The following DNASE2B variants were observed in gnomAD, a reference collection of about 807,000 sequenced individuals.
DNASE2B encodes the protein deoxyribonuclease 2 beta.
A neutral mutation model predicts 46.0 loss-of-function variants in DNASE2B; 43 were observed. That is an observed-to-expected ratio of 0.94 (90% CI 0.73 to 1.21). The LOEUF is 1.21. Ranked by LOEUF, DNASE2B falls within the 50% of genes most tolerant of loss-of-function variation. The pLI is 0.00. For missense variants in DNASE2B, 395 were observed against 414.4 expected, an observed-to-expected ratio of 0.95 and a Z score of 0.41; for synonymous variants, 156 against 152.5, an observed-to-expected ratio of 1.02 and a Z score of -0.17.
chr1:84,410,583 A>T lies in DNASE2B; in HGVS notation c.386-255A>T, dbSNP rs575556000. ...AAATTTTCCTTGTGATTTCAAAATG[A>T]AATTCCTCTTAACTCTTCACAGGAT... On this transcript the variant is annotated intron_variant, in intron 3 of 5. Coordinates refer to ENST00000370665, the MANE Select transcript of DNASE2B (RefSeq NM_021233.3). 2.0e-5 allele frequency among the ~76,000 whole-genome samples: 3 copies of T among 152,342 alleles called. No individual in the cohort carries two copies. In the East Asian group the frequency reaches 5.8e-4, roughly 29 times the overall value.
chr1:84,409,848 C>A (rs1057004931), intron 3 of DNASE2B, among the ~76,000 whole-genome samples: 1 of 152,104 alleles, frequency 6.6e-6, no homozygotes, highest in Admixed American at 6.6e-5. Flanking sequence ...GGATAGGATT[C>A]CAGCAAATTG....
intron 3 of DNASE2B, among the ~76,000 whole-genome samples, chr1:84,409,261 T>C (rs981330178): frequency 6.6e-6 from 1 of 152,184 alleles, no homozygotes; most frequent in African/African-American, 2.4e-5. Flanking sequence ...TTCAATTTCA[T>C]ATATCATAAA....
chr1:84,411,712 A>C (rs3116416), intron 4 of DNASE2B, among the ~76,000 whole-genome samples: 1 of 152,176 alleles, frequency 6.6e-6, no homozygotes, highest in East Asian at 1.9e-4. Flanking sequence ...AGTAGTGAAA[A>C]GCAACTTGCC....
intron 3 of DNASE2B, 113 bp from the exon 4 acceptor site, chr1:84,410,725 C>T: frequency 2.1e-6 from 2 of 974,322 alleles, no homozygotes; most frequent in South Asian, 1.8e-5. Flanking sequence ...GATTATTAGC[C>T]TAATAAAACA....
At chr1:84,409,100 C>G (rs561956120) in intron 3 of DNASE2B, among the ~76,000 whole-genome samples, 10 of 151,750 alleles carry the variant, frequency 6.6e-5, no homozygotes, top group Non-Finnish European at 1.3e-4. Context: ...TGTTTGTGAA[C>G]TACAGAAAAA....
At chr1:84,409,631 C>T (rs1387549909) in intron 3 of DNASE2B, among the ~76,000 whole-genome samples, 2 of 152,132 alleles carry the variant, frequency 1.3e-5, no homozygotes, top group Non-Finnish European at 2.9e-5. Context: ...CTCCTGAATA[C>T]CCTATTTACT....
intron 2 of DNASE2B, chr1:84,408,192 A>T (rs556560591): frequency 5.0e-5 from 18 of 361,266 alleles, no homozygotes; most frequent in African/African-American, 3.4e-4. Context: ...TCACACACAG[A>T]TCACAATGCA....
At chr1:84,413,039 C>T (rs913484448) in intron 5 of DNASE2B, among the ~76,000 whole-genome samples, 6 of 150,472 alleles carry the variant, frequency 4.0e-5, no homozygotes, top group Non-Finnish European at 8.9e-5. Context: ...GATGCACCCC[C>T]TATGCTCTGA....
At chr1:84,403,681 C>A (rs1680455570) in intron 2 of DNASE2B, among the ~76,000 whole-genome samples, 1 of 151,858 alleles carries the variant, frequency 6.6e-6, no homozygotes, top group Non-Finnish European at 1.5e-5. Flanking sequence ...TTTTTCATTT[C>A]TCCAAAAATG....
chr1:84,410,623 C>T (rs934605688), intron 3 of DNASE2B, among the ~76,000 whole-genome samples: 1 of 152,122 alleles, frequency 6.6e-6, no homozygotes, highest in African/African-American at 2.4e-5. Context: ...ACCTTGGTTC[C>T]CTTTTCGTGG....
chr1:84,410,762 A>G, intron 3 of DNASE2B, 76 bp from the exon 4 acceptor site: 1 of 1,422,678 alleles, frequency 7.0e-7, no homozygotes, highest in Non-Finnish European at 9.5e-7. Context: ...ATGGGCTTAA[A>G]TGTTGCCACT....
At chr1:84,411,139 T>C in intron 4 of DNASE2B, 140 bp downstream of exon 4, 2 of 1,097,666 alleles carry the variant, frequency 1.8e-6, no homozygotes, top group Non-Finnish European at 1.3e-6. Context: ...GGCTTTGCCA[T>C]GGTGAGGTCT....
In DNASE2B at chr1:84,412,535, C is replaced by A. The variant is rs370286431; in HGVS notation, c.734C>A (p.Ser245Tyr). Residue 245 changes from serine (S) to tyrosine (Y), a missense_variant, in exon 5 of 6, where the codon TCT becomes TAT. Ser to Tyr is a moderately radical substitution (Grantham distance 144, BLOSUM62 -2). Coordinates refer to ENST00000370665, the MANE Select transcript of DNASE2B (RefSeq NM_021233.3). The stretch of plus-strand genomic sequence containing the variant: ...TTCCTCCATTTTGCAAAGTCGGATT[C>A]TTTTCTTGACGGTATGAAAGACCAT... Reference protein sequence around the residue: ...QKFLHFAKSDSFLDDIFAAWM... With the variant: ...QKFLHFAKSDYFLDDIFAAWM... The A allele has an allele frequency of 1.3e-5, 21 of 1,608,944 alleles. No homozygotes were observed. In the African/African-American group the frequency reaches 1.6e-4, roughly 12 times the overall value.
At chr1:84,414,423 TC>T in intron 5 of DNASE2B, 104 bp from the exon 6 acceptor site, 1 of 951,036 alleles carries the variant, frequency 1.1e-6, no homozygotes. Flanking sequence ...GCTCGTGACA[TC>T]CACATATCAG....
intron 2 of DNASE2B, among the ~76,000 whole-genome samples, chr1:84,406,734 G>C (rs1027997668): frequency 1.3e-5 from 2 of 152,186 alleles, no homozygotes; most frequent in African/African-American, 4.8e-5. Context: ...CTGGAATTAT[G>C]TGCCAGAAGT....
At chr1:84,413,534 G>A (rs535519436) in intron 5 of DNASE2B, among the ~76,000 whole-genome samples, 48 of 152,280 alleles carry the variant, frequency 3.2e-4, no homozygotes, top group African/African-American at 9.1e-4. Context: ...TGGGGAACAC[G>A]CAGTCCCCTG....
In DNASE2B at chr1:84,412,431, C is replaced by A; in HGVS notation, c.630C>A (p.Pro210=). The stretch of plus-strand genomic sequence containing the variant: ...TTCACCAGGAGCTCATTCACATGCC[C>A]CAGCTGTGCACCAGGGCCAGCTCAT... ...ATFHQELIHM[P]QLCTRASSSE... is the part of the protein sequence containing the mutation. Residue 210 remains proline (P), a synonymous_variant, in exon 5 of 6, where the codon CCC becomes CCA. Transcript: ENST00000370665. 6.2e-7 allele frequency: 1 copy of A among 1,613,758 alleles called. No individual in the cohort carries two copies. The highest frequency in any genetic ancestry group is 8.5e-7 in the Non-Finnish European group (1 of 1,179,820).
In DNASE2B at chr1:84,402,066, A is replaced by G; in HGVS notation, c.291A>G (p.Ala97=). The change falls in exon 2 of 6, where the codon GCA becomes GCG. Residue 97 remains alanine (A), a synonymous_variant. Coordinates refer to ENST00000370665, the MANE Select transcript of DNASE2B (RefSeq NM_021233.3). The part of the protein sequence containing the change: ...LGRTLQQLYE[A]YASKSNNTAY... Reference sequence around the variant, plus strand: ...GGACATTACAACAGCTATATGAAGCATATGCCTCTAAGGTATGTTATATAG... The same window carrying G: ...GGACATTACAACAGCTATATGAAGCGTATGCCTCTAAGGTATGTTATATAG... The G allele has an allele frequency of 6.2e-7, 1 of 1,604,954 alleles. No homozygotes were observed. The highest frequency in any genetic ancestry group is 1.7e-5 in the Admixed American group (1 of 57,654).
chr1:84,401,720 T>C (rs559182997), intron 1 of DNASE2B, among the ~76,000 whole-genome samples, 181 bp from the exon 2 acceptor site: 7 of 152,324 alleles, frequency 4.6e-5, no homozygotes, highest in Non-Finnish European at 1.0e-4. Flanking sequence ...ATTTTTATTT[T>C]CTTCTCTGGG....
Sources: gnomAD v4.1 joint callset for allele counts (sites outside exome capture counted in the v4.1 genomes callset) on GRCh38, gnomAD v4.1.1 for gene constraint, MANE v1.5 for transcripts, NCBI Gene and HGNC (gene_info 2026-07-23, HGNC 2026-07-21) for gene names.